The following PBX1 variants were observed in gnomAD, a reference collection of about 807,000 sequenced individuals.
PBX1 encodes the protein pre-B-cell leukemia transcription factor 1.
PBX1 carries 6 observed loss-of-function variants against 53.4 expected under a neutral mutation model. That is an observed-to-expected ratio of 0.11 (90% confidence interval 0.06 to 0.22). The LOEUF (loss-of-function observed/expected upper bound fraction) is 0.22, where lower values mean the gene tolerates loss of function less well. Among genes scored for constraint, PBX1 ranks in the 10% least tolerant of loss-of-function variants. The probability of loss-of-function intolerance (pLI) is 1.00; values close to 1 mark genes in which losing one functional copy is unlikely to be tolerated. For synonymous variants in PBX1, 204 were observed against 212.3 expected, an observed-to-expected ratio of 0.96 and a Z score of 0.34; for missense variants, 251 against 551.4, an observed-to-expected ratio of 0.46 and a Z score of 5.46.
intron 2 of PBX1, among the ~76,000 whole-genome samples, chr1:164,876,267 A>G (rs1672509158): frequency 6.6e-6 from 1 of 151,970 alleles, no homozygotes; most frequent in Non-Finnish European, 1.5e-5. Context: ...TTTAAAATGG[A>G]TGGCGCAGCA....
intron 3 of PBX1, among the ~76,000 whole-genome samples, chr1:164,799,467 G>C (rs1029349721): frequency 6.6e-6 from 1 of 152,116 alleles, no homozygotes; most frequent in African/African-American, 2.4e-5. Flanking sequence ...CTCCAGCCTG[G>C]GCGACCGAGC....
At chr1:164,828,377 G>C (rs1558032435) in intron 8 of PBX1, 1 of 152,184 alleles carries the variant, frequency 6.6e-6, no homozygotes, top group Non-Finnish European at 1.5e-5. Flanking sequence ...AAAGAGGACA[G>C]TTGAGCTGGA....
Position 164,851,271 on chromosome 1 carries a change from A to G in PBX1, c.*4595A>G. On this transcript the variant is annotated 3_prime_UTR_variant, in exon 9 of 9. Transcript: ENST00000420696. ...TTTAAATACCATCATTCAACAAATT[A>G]TGTTCAGAAAGTGGTCAGAACTTAA... The G allele has an allele frequency of 9.7e-6, 2 of 206,268 alleles. No individual in the cohort carries two copies. Among genetic ancestry groups the G allele is most frequent in the East Asian group, 7.4e-5 (1 of 13,574 alleles). The allele number at this position is 206,268 out of a possible 1,614,324, so 12.8% of individuals were successfully genotyped here.
intron 2 of PBX1, among the ~76,000 whole-genome samples, chr1:164,588,472 G>GTTTTTTTTT (rs1655107750): frequency 1.9e-5 from 1 of 54,052 alleles, no homozygotes; most frequent in South Asian, 8.3e-4. Flanking sequence ...TCCGGACTAA[G>GTTTTTTTTT]CTTTTTTTTT....
At chr1:164,679,324 A>G (rs1488500595) in intron 2 of PBX1, among the ~76,000 whole-genome samples, 1 of 152,184 alleles carries the variant, frequency 6.6e-6, no homozygotes, top group Non-Finnish European at 1.5e-5. Context: ...AAGGATGAAG[A>G]CAGTGAGACA....
intron 2 of PBX1, among the ~76,000 whole-genome samples, chr1:164,708,507 A>G (rs1557956995): frequency 6.6e-6 from 1 of 152,174 alleles, no homozygotes; most frequent in Admixed American, 6.5e-5. Flanking sequence ...CCAAATAATG[A>G]ACACAGCACT....
At chr1:164,859,448 G>A (rs935641139) in intron 2 of PBX1, among the ~76,000 whole-genome samples, 1 of 152,102 alleles carries the variant, frequency 6.6e-6, no homozygotes, top group African/African-American at 2.4e-5. Context: ...TCAAATCACT[G>A]CATCTTGACC....
At chr1:164,703,693 G>C (rs548825123) in intron 2 of PBX1, among the ~76,000 whole-genome samples, 17 of 152,270 alleles carry the variant, frequency 1.1e-4, no homozygotes, top group African/African-American at 3.8e-4. Context: ...GAGAAACTCT[G>C]GCCATTTCTA....
chr1:164,815,422 T>G (rs545317739), intron 6 of PBX1: 7 of 152,344 alleles, frequency 4.6e-5, no homozygotes, highest in Admixed American at 3.9e-4. Flanking sequence ...AATTCAACCA[T>G]GAAAGTTCTT....
At chr1:164,742,552 A>T (rs186177961) in intron 2 of PBX1, among the ~76,000 whole-genome samples, 7 of 152,322 alleles carry the variant, frequency 4.6e-5, no homozygotes, top group Admixed American at 4.6e-4. Flanking sequence ...AAAAAAAAGG[A>T]TCACAAAACT....
intron 2 of PBX1, among the ~76,000 whole-genome samples, chr1:164,766,047 G>T (rs1667045409): frequency 6.6e-6 from 1 of 152,150 alleles, no homozygotes; most frequent in Non-Finnish European, 1.5e-5. Context: ...CTCTCATTTG[G>T]CAATCAGAAA....
intron 2 of PBX1, among the ~76,000 whole-genome samples, chr1:164,787,236 C>A (rs1401935146): frequency 2.0e-5 from 3 of 152,106 alleles, no homozygotes; most frequent in Non-Finnish European, 4.4e-5. Context: ...GGGAGGCTAC[C>A]TTGTGCCTTT....
intron 2 of PBX1, among the ~76,000 whole-genome samples, chr1:164,789,497 T>G (rs1668385169): frequency 1.3e-5 from 2 of 152,156 alleles, no homozygotes; most frequent in Admixed American, 1.3e-4. Context: ...CTCACTGAGT[T>G]TGGCTGGAGG....
intron 6 of PBX1, chr1:164,817,659 T>C (rs1669938158): frequency 6.6e-6 from 1 of 152,250 alleles, no homozygotes; most frequent in Admixed American, 6.5e-5. Context: ...CCAGACATAT[T>C]TACAGTTTAT....
At position 164,808,189 on chromosome 1, in the gene PBX1, G is replaced by A. The variant is rs144439459; in HGVS notation, c.837+512G>A. On this transcript the variant is annotated intron_variant, in intron 5 of 8. Coordinates refer to ENST00000420696, the MANE Select transcript of PBX1 (RefSeq NM_002585.4). Reference sequence around the variant, plus strand: ...TGTAGGAATTTTAACATGTCACTGCGATTACATTGGAATGGTGAACAAAAT... The same window carrying A: ...TGTAGGAATTTTAACATGTCACTGCAATTACATTGGAATGGTGAACAAAAT... Among the ~76,000 whole-genome samples the A allele has an allele frequency of 1.6e-4, 24 of 152,252 alleles. No homozygotes were observed. The East Asian group carries it at 4.5e-3, about 28-fold the overall frequency.
chr1:164,712,460 G>C (rs1451200900), intron 2 of PBX1, among the ~76,000 whole-genome samples: 2 of 152,210 alleles, frequency 1.3e-5, no homozygotes, highest in Non-Finnish European at 2.9e-5. Flanking sequence ...GCTCGGGAGA[G>C]ATAGGCCAAA....
At chr1:164,624,465 A>T (rs912137780) in intron 2 of PBX1, among the ~76,000 whole-genome samples, 6 of 152,240 alleles carry the variant, frequency 3.9e-5, no homozygotes, top group Admixed American at 2.0e-4. Context: ...GGTTAGAGGC[A>T]TGCATTCCTT....
chr1:164,663,212 G>GCCTTCCTT (rs1324857509), intron 2 of PBX1, among the ~76,000 whole-genome samples: 1 of 140,420 alleles, frequency 7.1e-6, no homozygotes, highest in African/African-American at 2.7e-5. Context: ...CTTCCTTCCT[G>GCCTTCCTT]CCTTCCTGCC....
At chr1:164,643,140 A>T (rs1348982724) in intron 2 of PBX1, among the ~76,000 whole-genome samples, 1 of 152,190 alleles carries the variant, frequency 6.6e-6, no homozygotes, top group African/African-American at 2.4e-5. Context: ...ACCAAGGATG[A>T]TGTTGCCCCA....
Sources: gnomAD v4.1 joint callset for allele counts (sites outside exome capture counted in the v4.1 genomes callset) on GRCh38, gnomAD v4.1.1 for gene constraint, MANE v1.5 for transcripts, NCBI Gene and HGNC (gene_info 2026-07-23, HGNC 2026-07-21) for gene names.